PURG: variants seen among roughly 807,000 people sequenced by gnomAD.
PURG encodes purine rich element binding protein G, also known as purine-rich element-binding protein gamma.
In PURG, 3 loss-of-function variants were observed where a neutral mutation model predicts 24.3. The observed-to-expected ratio is 0.12, with a 90% CI of 0.06 to 0.32. PURG has a LOEUF of 0.32. Among genes scored for constraint, PURG ranks in the 10% least tolerant of loss-of-function variants. PURG has a pLI of 1.00. For missense variants in PURG, 371 were observed against 439.1 expected (o/e 0.84, Z 1.39); for synonymous variants, 180 against 173.1 (o/e 1.04, Z -0.31).
chr8:30,996,223 T>C (rs1810425017), exon 2 of PURG: 1 of 163,416 alleles, frequency 6.1e-6, no homozygotes, highest in African/African-American at 2.4e-5. Flanking sequence ...TAAGAGGCAG[T>C]GGGTTGAAAT....
intron 1 of PURG, among the ~76,000 whole-genome samples, chr8:30,998,566 T>A (rs1171755058): frequency 6.6e-6 from 1 of 151,760 alleles, no homozygotes; most frequent in Non-Finnish European, 1.5e-5. Context: ...TTTCATGTAA[T>A]CTTCAATCCC....
chr8:31,030,742 G>C (rs1387476092), downstream of PURG: 1 of 151,628 alleles, frequency 6.6e-6, no homozygotes, highest in Non-Finnish European at 1.5e-5. Context: ...GGTAGCAATT[G>C]CAAAAGTGCT....
Position 31,032,950 on chromosome 8 carries a change from T to G in PURG, c.-7+128A>C. The G allele has an allele frequency of 3.8e-6, 1 of 264,110 alleles. No homozygotes were observed. Among genetic ancestry groups the G allele is most frequent in the Non-Finnish European group, 5.9e-6 (1 of 168,126 alleles). The allele number at this position is 264,110 out of a possible 1,614,324, so 16.4% of individuals were successfully genotyped here. On this transcript the variant is annotated intron_variant, in intron 1 of 1. Transcript: ENST00000523392. The surrounding 1 kb of genome is among the most constrained non-coding windows in gnomAD (Gnocchi z 5.9). ...GGGGCTCCAGCCACTGCCGGCCGGT[T>G]GGCGGCCGCCGCTCCGGCTCTGCCC...
At chr8:31,023,815 A>C (rs1010680016) in intron 1 of PURG, among the ~76,000 whole-genome samples, 1 of 152,190 alleles carries the variant, frequency 6.6e-6, no homozygotes, top group African/African-American at 2.4e-5. Flanking sequence ...GGACAGGATC[A>C]ACAAAAAGGA....
chr8:31,028,143 T>C (rs1045651823), downstream of PURG, among the ~76,000 whole-genome samples: 2 of 151,810 alleles, frequency 1.3e-5, no homozygotes, highest in African/African-American at 4.8e-5. Context: ...CTCAACTAAA[T>C]ATAGTCTCAA....
chr8:30,996,834 T>C (rs1236843873), intron 1 of PURG: 1 of 676,112 alleles, frequency 1.5e-6, no homozygotes, highest in Non-Finnish European at 2.4e-6. Flanking sequence ...CCTCAATTTT[T>C]AGTTGTGTCT....
chr8:31,032,117 A>G lies in PURG; in HGVS notation c.666T>C (p.Ile222=). 3.1e-6 allele frequency: 5 copies of G among 1,614,208 alleles called. No homozygotes were observed. The highest frequency in any genetic ancestry group is 4.2e-6 in the Non-Finnish European group (5 of 1,180,040). The change falls in exon 2 of 2, where the codon ATT becomes ATC. Residue 222 remains isoleucine (I), a synonymous_variant. Coordinates refer to ENST00000523392, the MANE Select transcript of PURG (RefSeq NM_001323311.2). The surrounding 1 kb of genome is among the most constrained non-coding windows in gnomAD (Gnocchi z 5.9). The part of the protein sequence containing the change: ...FGHSLGQEQT[I]VLPAQGMIEF... ...CAATCATTCCTTGTGCTGGGAGGACAATAGTCTGTTCTTGGCCCAAACTGT... is the reference window on the plus strand; with the variant it reads ...CAATCATTCCTTGTGCTGGGAGGACGATAGTCTGTTCTTGGCCCAAACTGT...
At position 31,032,813 on chromosome 8, in the gene PURG, G is replaced by T; in HGVS notation, c.-6-25C>A. On this transcript the variant is annotated intron_variant, in intron 1 of 1. Coordinates refer to ENST00000523392, the MANE Select transcript of PURG (RefSeq NM_001323311.2). This position sits in a 1 kb window ranked among gnomAD's most constrained non-coding sequence, Gnocchi z 5.9. ...GCTGCAAGTAACAAACAGACACACG[G>T]GATGGGGTGGGGGAGGGGTGTTGAG... The T allele has an allele frequency of 7.3e-7, 1 of 1,379,218 alleles. No homozygotes were observed. Among genetic ancestry groups the T allele is most frequent in the Non-Finnish European group, 9.4e-7 (1 of 1,062,462 alleles). 85.4% of individuals were successfully genotyped at this position (1,379,218 alleles called of 1,614,324 possible).
chr8:31,033,170 G>GCCGCCGCCCCCCGCCTCCTCCC lies in PURG; in HGVS notation c.-121_-100dup, dbSNP rs1811290428. On this transcript the variant is annotated 5_prime_UTR_variant, in exon 1 of 2. It removes the in-frame stop codon of an upstream open reading frame in the 5' UTR. Coordinates refer to ENST00000523392, the MANE Select transcript of PURG (RefSeq NM_001323311.2). ...CGGCCCCTCTGCTGCAGCCGCCGCA[G>GCCGCCGCCCCCCGCCTCCTCCC]CCGCCGCCCCCCGCCTCCTCCCCCG... 2 of 207,190 alleles carry GCCGCCGCCCCCCGCCTCCTCCC rather than the reference G, an allele frequency of 9.7e-6. No homozygotes were observed. Among genetic ancestry groups the GCCGCCGCCCCCCGCCTCCTCCC allele is most frequent in the East Asian group, 1.0e-4 (1 of 10,050 alleles). The allele number at this position is 207,190 out of a possible 1,614,324, so 12.8% of individuals were successfully genotyped here. A position where few individuals can be genotyped will look rare whatever the true frequency, so the allele number is the denominator to read the frequency against.
chr8:31,008,975 G>T (rs1057297629), intron 1 of PURG, among the ~76,000 whole-genome samples: 2 of 152,152 alleles, frequency 1.3e-5, no homozygotes, highest in Admixed American at 1.3e-4. Context: ...TAAAGTCATT[G>T]TTGTTTTCTT....
intron 1 of PURG, among the ~76,000 whole-genome samples, chr8:31,020,137 A>G (rs1264199628): frequency 6.6e-6 from 1 of 152,158 alleles, no homozygotes; most frequent in Non-Finnish European, 1.5e-5. Context: ...CTATAAACAC[A>G]GTACAGTATA....
intron 1 of PURG, among the ~76,000 whole-genome samples, chr8:31,016,551 T>C (rs1196111417): frequency 2.3e-5 from 2 of 87,010 alleles, no homozygotes; most frequent in Non-Finnish European, 4.4e-5. Flanking sequence ...AAAAACGATA[T>C]GGAAGAAAGA....
chr8:31,009,811 A>T (rs1180097382), intron 1 of PURG, among the ~76,000 whole-genome samples: 1 of 152,222 alleles, frequency 6.6e-6, no homozygotes, highest in Non-Finnish European at 1.5e-5. Flanking sequence ...AACCTGGATC[A>T]TTCCTTTCAA....
intron 1 of PURG, among the ~76,000 whole-genome samples, chr8:31,009,471 T>C (rs1810724447): frequency 6.6e-6 from 1 of 152,048 alleles, no homozygotes; most frequent in Non-Finnish European, 1.5e-5. Context: ...ACCAGAATAA[T>C]TCAGTCTGCA....
chr8:30,999,707 TAC>T (rs1271620581), intron 1 of PURG, among the ~76,000 whole-genome samples: 1 of 152,006 alleles, frequency 6.6e-6, no homozygotes, highest in Non-Finnish European at 1.5e-5. Flanking sequence ...TAAATATATA[TAC>T]AGTTTTACCT....
chr8:31,002,855 C>G (rs1810565903), intron 1 of PURG, among the ~76,000 whole-genome samples: 1 of 152,136 alleles, frequency 6.6e-6, no homozygotes, highest in South Asian at 2.1e-4. Context: ...AAGACCATAT[C>G]CTCATTTTTT....
rs767466974 is a variant in PURG at position 31,031,893 on chromosome 8, C to T, written c.890G>A (p.Arg297His). 7 of 1,613,882 alleles carry T rather than the reference C, an allele frequency of 4.3e-6. No individual in the cohort carries two copies. Among genetic ancestry groups the T allele is most frequent in the Admixed American group, 3.3e-5 (2 of 59,990 alleles). Residue 297 changes from arginine to histidine, a missense_variant, in exon 2 of 2, where the codon CGT (arginine) becomes CAT (histidine). By Grantham distance (29) the Arg-to-His change is conservative. Around this residue, in one of 5 missense-constraint regions of PURG, gnomAD observed 103 missense variants for 127.7 expected, o/e 0.81. Coordinates refer to ENST00000523392, the MANE Select transcript of PURG (RefSeq NM_001323311.2). The stretch of plus-strand genomic sequence containing the variant: ...TTTGAATGGAACAGTAATAGTATTA[C>T]GGTAAGGTGGTCTCACCTCACTTAC... ...LKVSEVRPPY[R>H]NTITVPFKAW... is the part of the protein sequence containing the mutation.
chr8:31,000,247 C>G (rs907169288), intron 1 of PURG, among the ~76,000 whole-genome samples: 3 of 151,966 alleles, frequency 2.0e-5, no homozygotes, highest in African/African-American at 7.2e-5. Context: ...GACAAAAGGA[C>G]AGTAGAGAAC....
chr8:31,012,946 C>T (rs1037840129), intron 1 of PURG, among the ~76,000 whole-genome samples: 5 of 152,152 alleles, frequency 3.3e-5, no homozygotes, highest in Non-Finnish European at 5.9e-5. Context: ...TTCACGTTCA[C>T]TTTATAGTTA....
Sources: gnomAD v4.1 joint callset for allele counts (sites outside exome capture counted in the v4.1 genomes callset) on GRCh38, gnomAD v4.1.1 for gene constraint, gnomAD v4.1.1 regional missense constraint, Gnocchi (gnomAD v3.1) non-coding constraint, MANE v1.5 for transcripts, NCBI Gene and HGNC (gene_info 2026-07-23, HGNC 2026-07-21) for gene names.